Variants in PSD2 observed in about 807,000 individuals in gnomAD.
PSD2 encodes the protein PH and SEC7 domain-containing protein 2.
A neutral mutation model predicts 69.8 loss-of-function variants in PSD2; 38 were observed. That is an observed-to-expected ratio of 0.54 (90% CI 0.42 to 0.71). The LOEUF (loss-of-function observed/expected upper bound fraction) is 0.71. Among genes scored for constraint, PSD2 ranks in the 30% least tolerant of loss-of-function variants. PSD2 has a pLI of 0.00. For missense variants in PSD2, 943 were observed against 1,014.5 expected (o/e 0.93, Z 0.96); for synonymous variants, 412 against 423.0 (o/e 0.97, Z 0.32).
At chr5:139,806,823 T>C (rs1285502244) in intron 1 of PSD2, among the ~76,000 whole-genome samples, 1 of 152,170 alleles carries the variant, frequency 6.6e-6, no homozygotes, top group African/African-American at 2.4e-5. Context: ...CTCAGCTACT[T>C]CTGGGCTCAG....
chr5:139,841,107 C>G (rs959823408), intron 14 of PSD2, among the ~76,000 whole-genome samples: 13 of 152,184 alleles, frequency 8.5e-5, no homozygotes, highest in African/African-American at 3.1e-4. Flanking sequence ...ATGATTTTGA[C>G]TACTCTAAGT....
intron 7 of PSD2, among the ~76,000 whole-genome samples, chr5:139,823,044 G>A (rs1056358537): frequency 5.3e-5 from 8 of 152,232 alleles, no homozygotes; most frequent in African/African-American, 1.2e-4. Context: ...TGTGCCTCTC[G>A]TCCATGCTAA....
intron 3 of PSD2, 63 bp downstream of exon 3, chr5:139,813,821 GC>G: frequency 1.4e-6 from 2 of 1,425,906 alleles, no homozygotes. Flanking sequence ...CCCAGAGGGG[GC>G]AAAGCAGGTT....
intron 1 of PSD2, among the ~76,000 whole-genome samples, chr5:139,800,694 T>G (rs72794891): frequency 0.22 from 34,178 of 152,166 alleles, 4,015 homozygotes; most frequent in Non-Finnish European, 0.27. Flanking sequence ...ACTCACTGTC[T>G]GCCAGCGTCT....
intron 1 of PSD2, among the ~76,000 whole-genome samples, chr5:139,802,071 C>T (rs1005781116): frequency 6.6e-6 from 1 of 151,954 alleles, no homozygotes; most frequent in African/African-American, 2.4e-5. Context: ...ACCTGCAGAC[C>T]CTGAGCCGAA....
intron 7 of PSD2, among the ~76,000 whole-genome samples, chr5:139,830,693 T>C (rs1175367989): frequency 2.7e-5 from 4 of 147,410 alleles, no homozygotes; most frequent in Non-Finnish European, 6.0e-5. Context: ...TCTTTTCTTT[T>C]TTTTTTTTTA....
chr5:139,766,829 T>TTCTCTCTCTC, the PSD2 span, among the ~76,000 whole-genome samples: 27 of 49,250 alleles, frequency 5.5e-4, no homozygotes, highest in Admixed American at 1.1e-3. Context: ...AGTCCCTTCC[T>TTCTCTCTCTC]TCTTTCTTTC....
the PSD2 span, among the ~76,000 whole-genome samples, chr5:139,775,754 C>G: frequency 6.6e-6 from 1 of 152,304 alleles, no homozygotes; most frequent in Admixed American, 6.5e-5. Context: ...CTGCAACCTC[C>G]GTCTCCGAGG....
chr5:139,825,225 T>C (rs989261970), intron 7 of PSD2, among the ~76,000 whole-genome samples: 2 of 152,184 alleles, frequency 1.3e-5, no homozygotes, highest in African/African-American at 4.8e-5. Flanking sequence ...AGGGAAAGCC[T>C]GCAAGGTTTG....
At chr5:139,780,099 C>T in the PSD2 span, among the ~76,000 whole-genome samples, 1 of 152,206 alleles carries the variant, frequency 6.6e-6, no homozygotes, top group African/African-American at 2.4e-5. Context: ...ACTGCTTGAC[C>T]TATTTACAAA....
Position 139,836,847 on chromosome 5 carries a change from G to A in PSD2, c.1440G>A (p.Leu480=), listed in dbSNP as rs1197649446. The A allele has an allele frequency of 6.2e-7, 1 of 1,614,196 alleles. No homozygotes were observed. Among genetic ancestry groups the A allele is most frequent in the Non-Finnish European group, 8.5e-7 (1 of 1,180,026 alleles). ...EDELRKSLSE[L]VDDKFGTGTK... ...AGCTGAGGAAATCCCTGTCTGAGCTGGTGGATGACAAGTTCGGGACAGGCA... is the reference window on the plus strand; with the variant it reads ...AGCTGAGGAAATCCCTGTCTGAGCTAGTGGATGACAAGTTCGGGACAGGCA... The change falls in exon 10 of 15, where the codon CTG becomes CTA. Residue 480 remains leucine (L), a synonymous_variant. Coordinates refer to ENST00000274710, the MANE Select transcript of PSD2 (RefSeq NM_032289.4).
At position 139,814,249 on chromosome 5, in the gene PSD2, G is replaced by A. The variant is rs1270293737; in HGVS notation, c.901G>A (p.Asp301Asn). 1 of 1,613,914 alleles carries A rather than the reference G, an allele frequency of 6.2e-7. No homozygotes were observed. Among genetic ancestry groups the A allele is most frequent in the Admixed American group, 1.7e-5 (1 of 60,000 alleles). The part of the protein sequence containing the change: ...SSEGLEPGSA[D>N]PLANGCQGVS... ...GGAGGGGTTGGAGCCTGGTAGTGCA[G>A]ACCCTCTGGCCAACGGGTGCCAGGG... The change falls in exon 4 of 15, where the codon GAC (aspartate) becomes AAC (asparagine). Residue 301 changes from aspartate to asparagine, a missense_variant. By Grantham distance (23) the Asp-to-Asn change is conservative. Transcript: ENST00000274710. The surrounding 1 kb of genome is among the most constrained non-coding windows in gnomAD (Gnocchi z 4.4).
chr5:139,829,458 A>G (rs543795174), intron 7 of PSD2, among the ~76,000 whole-genome samples: 1 of 152,202 alleles, frequency 6.6e-6, no homozygotes, highest in Non-Finnish European at 1.5e-5. Context: ...CATCACAACA[A>G]AAGGAAACCC....
intron 5 of PSD2, among the ~76,000 whole-genome samples, chr5:139,818,090 GCA>G (rs1760167083): frequency 1.3e-5 from 2 of 152,132 alleles, no homozygotes; most frequent in Admixed American, 1.3e-4. Flanking sequence ...ATGGATGGGT[GCA>G]GCCCTGTAGT....
chr5:139,768,368 T>A, the PSD2 span, among the ~76,000 whole-genome samples: 11,524 of 152,056 alleles, frequency 0.076, 1,509 homozygotes, highest in African/African-American at 0.26. Context: ...GAGGAGGGCA[T>A]AAAAAGAGAA....
chr5:139,767,566 C>T, the PSD2 span, among the ~76,000 whole-genome samples: 3 of 152,314 alleles, frequency 2.0e-5, no homozygotes, highest in South Asian at 2.1e-4. Context: ...CTGCCCACCT[C>T]GGCCTCCCAG....
chr5:139,759,414 C>T, the PSD2 span, among the ~76,000 whole-genome samples: 1 of 152,108 alleles, frequency 6.6e-6, no homozygotes, highest in Non-Finnish European at 1.5e-5. Flanking sequence ...CCCCCGATCG[C>T]GGTCACCCGT....
Position 139,837,111 on chromosome 5 carries a change from G to A in PSD2, c.1595-57G>A. 6.2e-7 allele frequency: 1 copy of A among 1,605,074 alleles called. No individual in the cohort carries two copies. The highest frequency in any genetic ancestry group is 8.5e-7 in the Non-Finnish European group (1 of 1,173,304). ...CAGGTGGACACGTAGTGGGAGGTGG[G>A]GTTGGAGAGACTGCAGAGGGTGGCT... On this transcript the variant is annotated intron_variant, in intron 10 of 14. Transcript: ENST00000274710. This position sits in a 1 kb window ranked among gnomAD's most constrained non-coding sequence, Gnocchi z 5.0.
intron 7 of PSD2, among the ~76,000 whole-genome samples, chr5:139,828,637 C>T (rs753437834): frequency 1.3e-5 from 2 of 152,150 alleles, no homozygotes; most frequent in South Asian, 4.1e-4. Flanking sequence ...CCCCTCCTCC[C>T]GAAGGATGAC....
Sources: gnomAD v4.1 joint callset for allele counts (sites outside exome capture counted in the v4.1 genomes callset) on GRCh38, gnomAD v4.1.1 for gene constraint, Gnocchi (gnomAD v3.1) non-coding constraint, MANE v1.5 for transcripts, NCBI Gene and HGNC (gene_info 2026-07-23, HGNC 2026-07-21) for gene names.